The following TRIM2 variants were observed in gnomAD, a reference collection of about 807,000 sequenced individuals.
The protein encoded by TRIM2 is tripartite motif containing 2.
A neutral mutation model predicts 75.2 loss-of-function variants in TRIM2; 20 were observed. The observed-to-expected ratio is 0.27, with a 90% CI of 0.19 to 0.39. TRIM2 has a LOEUF of 0.39. Among genes scored for constraint, TRIM2 ranks in the 10% least tolerant of loss-of-function variants. The pLI is 1.00. For synonymous variants in TRIM2, 373 were observed against 388.3 expected, an observed-to-expected ratio of 0.96 and a Z score of 0.46; for missense variants, 660 against 990.8, an observed-to-expected ratio of 0.67 and a Z score of 4.48.
chr4:153,308,707 G>A (rs1765567321), intron 6 of TRIM2: 8 of 558,416 alleles, frequency 1.4e-5, no homozygotes, highest in South Asian at 7.0e-5. Flanking sequence ...ACTTGGGAGT[G>A]TAGAGTGTTC....
At chr4:153,180,898 TG>T (rs1234077491) in intron 1 of TRIM2, among the ~76,000 whole-genome samples, 9 of 152,210 alleles carry the variant, frequency 5.9e-5, no homozygotes, top group Non-Finnish European at 1.2e-4. Flanking sequence ...ATCTATTAAG[TG>T]CCTGCTTGTG....
chr4:153,213,451 A>T (rs4358380), intron 1 of TRIM2, among the ~76,000 whole-genome samples: 114,068 of 152,196 alleles, frequency 0.75, 43,868 homozygotes, highest in African/African-American at 0.91. Flanking sequence ...TCGCTAACAA[A>T]GTGATGGGCT....
intron 1 of TRIM2, among the ~76,000 whole-genome samples, chr4:153,245,049 G>T (rs1726828176): frequency 6.6e-6 from 1 of 152,178 alleles, no homozygotes; most frequent in African/African-American, 2.4e-5. Context: ...GACCCTCTGA[G>T]ATGGTTCTTG....
At chr4:153,221,889 A>AG (rs1740317220) in intron 1 of TRIM2, among the ~76,000 whole-genome samples, 21 of 97,738 alleles carry the variant, frequency 2.1e-4, no homozygotes, top group African/African-American at 7.1e-4. Flanking sequence ...GGAGGAAGGA[A>AG]GGAAGGAGGG....
intron 6 of TRIM2, among the ~76,000 whole-genome samples, chr4:153,298,747 T>A (rs1763259771): frequency 6.6e-6 from 1 of 152,162 alleles, no homozygotes; most frequent in African/African-American, 2.4e-5. Flanking sequence ...TCTTTTCTTG[T>A]TATTGAAACA....
chr4:153,281,451 T>C (rs1268104159), intron 3 of TRIM2, among the ~76,000 whole-genome samples: 1 of 152,266 alleles, frequency 6.6e-6, no homozygotes. Flanking sequence ...AATCATTCTA[T>C]TGTTTGATTA....
intron 1 of TRIM2, among the ~76,000 whole-genome samples, chr4:153,220,546 A>T (rs570040194): frequency 6.6e-6 from 1 of 152,350 alleles, no homozygotes; most frequent in Admixed American, 6.5e-5. Flanking sequence ...TCACATCCAG[A>T]ATGTGAGAAC....
At chr4:153,238,572 G>T (rs1345237957) in intron 1 of TRIM2, among the ~76,000 whole-genome samples, 2 of 152,164 alleles carry the variant, frequency 1.3e-5, no homozygotes, top group African/African-American at 4.8e-5. Context: ...ATGTATAAAG[G>T]TATAACGGTT....
At chr4:153,265,580 T>C (rs1579134679) in intron 1 of TRIM2, 1 of 152,184 alleles carries the variant, frequency 6.6e-6, no homozygotes, top group African/African-American at 2.4e-5. Context: ...CCTGACCTCA[T>C]GATCCACCCA....
intron 1 of TRIM2, among the ~76,000 whole-genome samples, chr4:153,257,033 G>A (rs1272185533): frequency 6.6e-6 from 1 of 152,184 alleles, no homozygotes; most frequent in East Asian, 1.9e-4. Context: ...TCACACTCAC[G>A]CAAAGCTCTT....
Position 153,336,406 on chromosome 4 carries a change from A to G in TRIM2, c.*1440A>G, listed in dbSNP as rs1772460136. ...CATAAAAAACCCAACAGGTCAAAAT[A>G]AAAGTTGAACTTGAGTTACATTTAA... On this transcript the variant is annotated 3_prime_UTR_variant, in exon 12 of 12. Transcript: ENST00000338700. The G allele has an allele frequency of 1.0e-6, 1 of 985,074 alleles. No individual in the cohort carries two copies. Among genetic ancestry groups the G allele is most frequent in the African/African-American group, 1.7e-5 (1 of 57,310 alleles). The allele number at this position is 985,074 out of a possible 1,614,324, so 61.0% of individuals were successfully genotyped here.
chr4:153,176,239 A>G (rs1185527616), intron 1 of TRIM2, among the ~76,000 whole-genome samples: 1 of 151,810 alleles, frequency 6.6e-6, no homozygotes, highest in African/African-American at 2.4e-5. Context: ...GGGTTACTTG[A>G]GCCCAGGAGT....
intron 1 of TRIM2, among the ~76,000 whole-genome samples, chr4:153,268,453 G>A (rs1176284666): frequency 1.3e-5 from 2 of 152,200 alleles, no homozygotes; most frequent in Non-Finnish European, 2.9e-5. Flanking sequence ...ACAGCTTAAA[G>A]GTTAGAAACA....
chr4:153,193,171 G>A (rs377162916), intron 1 of TRIM2, among the ~76,000 whole-genome samples: 8 of 125,002 alleles, frequency 6.4e-5, no homozygotes, highest in South Asian at 2.5e-4. Context: ...TCACTCTGTC[G>A]CCCAGGCTGG....
At chr4:153,239,981 C>T (rs183399582) in intron 1 of TRIM2, among the ~76,000 whole-genome samples, 24 of 152,052 alleles carry the variant, frequency 1.6e-4, no homozygotes, top group Admixed American at 5.2e-4. Flanking sequence ...ACTGCATCCA[C>T]GCGCCACACG....
At chr4:153,262,399 A>G (rs1753801983) in intron 1 of TRIM2, among the ~76,000 whole-genome samples, 1 of 152,140 alleles carries the variant, frequency 6.6e-6, no homozygotes, top group Non-Finnish European at 1.5e-5. Flanking sequence ...CACTTCCTGG[A>G]TGGAATTACA....
chr4:153,253,985 G>A (rs891435734), intron 1 of TRIM2, among the ~76,000 whole-genome samples: 3 of 152,000 alleles, frequency 2.0e-5, no homozygotes, highest in South Asian at 2.1e-4. Context: ...CTGTGGACTC[G>A]CCCTGAATTC....
chr4:153,197,519 G>A (rs180788886), intron 1 of TRIM2, among the ~76,000 whole-genome samples: 5 of 152,266 alleles, frequency 3.3e-5, no homozygotes, highest in African/African-American at 1.2e-4. Flanking sequence ...ATGGTCTTAG[G>A]AGGTGGGGCG....
intron 1 of TRIM2, among the ~76,000 whole-genome samples, chr4:153,255,627 C>G (rs527446874): frequency 6.6e-6 from 1 of 152,042 alleles, no homozygotes; most frequent in African/African-American, 2.4e-5. Flanking sequence ...GCAGAACATA[C>G]GTCCGCACAA....
Sources: gnomAD v4.1 joint callset for allele counts (sites outside exome capture counted in the v4.1 genomes callset) on GRCh38, gnomAD v4.1.1 for gene constraint, MANE v1.5 for transcripts, NCBI Gene and HGNC (gene_info 2026-07-23, HGNC 2026-07-21) for gene names.